PMS1: variants seen among roughly 807,000 people sequenced by gnomAD.
PMS1 encodes the protein PMS1 homolog 1, mismatch repair system component.
PMS1 carries 79 observed loss-of-function variants against 93.1 expected under a neutral mutation model. The observed-to-expected ratio is 0.85, with a 90% CI of 0.71 to 1.02. The LOEUF (loss-of-function observed/expected upper bound fraction) is 1.02, where lower values mean the gene tolerates loss of function less well. Ranked by LOEUF, PMS1 falls within the 50% of genes least tolerant of loss-of-function variation. The probability of loss-of-function intolerance (pLI) is 0.00; values close to 1 mark genes in which losing one functional copy is unlikely to be tolerated. For missense variants in PMS1, 1,064 were observed against 1,085.3 expected (o/e 0.98, Z 0.28); for synonymous variants, 335 against 363.4 (o/e 0.92, Z 0.89).
chr2:189,806,843 T>C (rs1455341362), intron 4 of PMS1: 3 of 211,526 alleles, frequency 1.4e-5, no homozygotes, highest in African/African-American at 2.3e-5. Context: ...CTATTACCTC[T>C]TTAGAGTCAT....
At chr2:189,853,515 C>CT (rs1160834468) in intron 7 of PMS1, among the ~76,000 whole-genome samples, 106 of 142,118 alleles carry the variant, frequency 7.5e-4, no homozygotes, top group African/African-American at 2.8e-3. Flanking sequence ...CTTTTCTTTT[C>CT]TTTTCTTTTT....
Position 189,867,779 on chromosome 2 carries a change from G to A in PMS1, c.2343-20G>A. ...ATTTTGTGTTTTTAATAAGTTAAAG[G>A]GCCATAATTTCTTTTTCAGTCTTTT... is the stretch of plus-strand genomic sequence containing the variant. On this transcript the variant is annotated intron_variant, in intron 10 of 12. Coordinates refer to ENST00000441310, the MANE Select transcript of PMS1 (RefSeq NM_000534.5). 6.5e-7 allele frequency: 1 copy of A among 1,535,010 alleles called. No homozygotes were observed. Among genetic ancestry groups the A allele is most frequent in the Non-Finnish European group, 9.0e-7 (1 of 1,109,514 alleles).
At position 189,855,098 on chromosome 2, in the gene PMS1, G is replaced by A; in HGVS notation, c.1826G>A (p.Trp609Ter). 2.5e-6 allele frequency: 4 copies of A among 1,613,320 alleles called. No individual in the cohort carries two copies. The highest frequency in any genetic ancestry group is 3.4e-6 in the Non-Finnish European group (4 of 1,179,514). The change falls in exon 9 of 13, where the codon TGG (tryptophan) becomes TAG (stop). Residue 609 changes from tryptophan (W) to a stop codon, truncating the protein, a stop_gained. Transcript: ENST00000441310. LOFTEE classifies it high-confidence loss of function. ...EDATLQIEEL[W>*]KTLSEEEKLK... is the part of the protein sequence containing the mutation. Reference sequence around the variant, plus strand: ...GCAACACTACAAATTGAAGAACTGTGGAAGACATTGAGTGAAGAGGAAAAA... The same window carrying A: ...GCAACACTACAAATTGAAGAACTGTAGAAGACATTGAGTGAAGAGGAAAAA...
intron 4 of PMS1, chr2:189,806,257 G>T: frequency 3.9e-6 from 1 of 254,432 alleles, no homozygotes; most frequent in Non-Finnish European, 7.6e-6. Context: ...GTTCTTTCAT[G>T]TAATACCCTC....
chr2:189,860,156 C>T (rs2055801565), intron 9 of PMS1, among the ~76,000 whole-genome samples: 1 of 152,108 alleles, frequency 6.6e-6, no homozygotes, highest in African/African-American at 2.4e-5. Flanking sequence ...TACATGTGTA[C>T]ACACACATAA....
intron 3 of PMS1, among the ~76,000 whole-genome samples, chr2:189,796,788 T>C (rs1404780893): frequency 6.6e-6 from 1 of 152,204 alleles, no homozygotes; most frequent in Non-Finnish European, 1.5e-5. Context: ...GACACCTGGG[T>C]TACTTTCACC....
At chr2:189,870,863 C>A (rs2106540273) in intron 11 of PMS1, among the ~76,000 whole-genome samples, 1 of 152,298 alleles carries the variant, frequency 6.6e-6, no homozygotes, top group East Asian at 1.9e-4. Context: ...CCCTATTGCT[C>A]AAACTCATTT....
chr2:189,864,074 CT>C lies in PMS1; in HGVS notation c.2189del (p.Leu730ProfsTer8). 1 of 1,613,534 alleles carries C rather than the reference CT, an allele frequency of 6.2e-7. No homozygotes were observed. Among genetic ancestry groups the C allele is most frequent in the Non-Finnish European group, 8.5e-7 (1 of 1,179,610 alleles). On this transcript the variant is annotated frameshift_variant, in exon 10 of 13. Transcript: ENST00000441310. LOFTEE classifies it high-confidence loss of function. ...GGATGAACCTTGCTTGATCCACAAT[CT>C]CAGGTTTCCTGATGCATGGCTAATG... ...EKDEPCLIHN[L>X]RFPDAWLMTS...
intron 4 of PMS1, among the ~76,000 whole-genome samples, chr2:189,816,501 G>A (rs563973598): frequency 6.6e-6 from 1 of 152,236 alleles, no homozygotes; most frequent in South Asian, 2.1e-4. Flanking sequence ...CCAGTAGAAT[G>A]TACTTTCTTT....
Position 189,795,947 on chromosome 2 carries a change from C to A in PMS1, c.311C>A (p.Ala104Asp). The stretch of plus-strand genomic sequence containing the variant: ...GCCTTGGGGTCAATTTGTTGTATAG[C>A]TGAGGTAAGGTAATTATATTGGTTA... ...GEALGSICCI[A>D]EVLITTRTAA... The change falls in exon 3 of 13, where the codon GCT (alanine) becomes GAT (aspartate). Residue 104 changes from alanine to aspartate, a missense_variant. Coordinates refer to ENST00000441310, the MANE Select transcript of PMS1 (RefSeq NM_000534.5). The A allele has an allele frequency of 6.3e-7, 1 of 1,599,704 alleles. No individual in the cohort carries two copies. The highest frequency in any genetic ancestry group is 8.6e-7 in the Non-Finnish European group (1 of 1,166,974).
At chr2:189,785,971 G>T (rs1471788595) in intron 1 of PMS1, among the ~76,000 whole-genome samples, 1 of 151,802 alleles carries the variant, frequency 6.6e-6, no homozygotes, top group Admixed American at 6.6e-5. Context: ...CTAAAAATAC[G>T]AAAATTAGCC....
chr2:189,871,443 G>A (rs1284124488), intron 11 of PMS1, among the ~76,000 whole-genome samples: 1 of 152,188 alleles, frequency 6.6e-6, no homozygotes, highest in Non-Finnish European at 1.5e-5. Context: ...CTTGCCCTGC[G>A]GCATGGATAC....
intron 5 of PMS1, among the ~76,000 whole-genome samples, chr2:189,831,258 G>A (rs1463679557): frequency 6.6e-6 from 1 of 152,132 alleles, no homozygotes; most frequent in Non-Finnish European, 1.5e-5. Flanking sequence ...AAAATTGGAA[G>A]GCATTAAAAG....
At chr2:189,796,932 A>AT (rs1334648393) in intron 3 of PMS1, among the ~76,000 whole-genome samples, 2 of 152,114 alleles carry the variant, frequency 1.3e-5, no homozygotes, top group Admixed American at 6.5e-5. Flanking sequence ...TCTGTGTCTA[A>AT]TTTTTTGAGG....
intron 5 of PMS1, among the ~76,000 whole-genome samples, chr2:189,827,748 G>A (rs1233293): frequency 0.02 from 2,978 of 151,860 alleles, 91 homozygotes; most frequent in African/African-American, 0.068. Context: ...CAGGCACAGA[G>A]AGACAAATAC....
intron 9 of PMS1, among the ~76,000 whole-genome samples, chr2:189,860,748 T>G (rs1265259978): frequency 6.7e-6 from 1 of 150,054 alleles, no homozygotes; most frequent in Admixed American, 6.7e-5. Flanking sequence ...AAAATGTCAG[T>G]TAAGTCTTAA....
chr2:189,858,561 G>A (rs1459671339), intron 9 of PMS1, among the ~76,000 whole-genome samples: 1 of 152,146 alleles, frequency 6.6e-6, no homozygotes, highest in East Asian at 1.9e-4. Flanking sequence ...TCCCAAAGAT[G>A]AGTACCATAT....
At chr2:189,868,339 T>A (rs867665410) in intron 11 of PMS1, among the ~76,000 whole-genome samples, 7 of 152,330 alleles carry the variant, frequency 4.6e-5, no homozygotes, top group Middle Eastern at 3.4e-3. Context: ...CAATTAGACG[T>A]GTAACATCAG....
chr2:189,854,670 G>C lies in PMS1; in HGVS notation c.1398G>C (p.Gln466His), dbSNP rs1459677285. ...TTATAAGTTCCGTTAAGCACACCCA[G>C]TCAGAAAATGGCAATAAAGACCATA... is the stretch of plus-strand genomic sequence containing the variant. The part of the protein sequence containing the change: ...TCFISSVKHT[Q>H]SENGNKDHID... The change falls in exon 9 of 13, where the codon CAG becomes CAC. Residue 466 changes from glutamine to histidine, a missense_variant. Coordinates refer to ENST00000441310, the MANE Select transcript of PMS1 (RefSeq NM_000534.5). The C allele has an allele frequency of 1.9e-6, 3 of 1,613,940 alleles. No homozygotes were observed. The highest frequency in any genetic ancestry group is 1.7e-5 in the Admixed American group (1 of 60,012).
Sources: gnomAD v4.1 joint callset for allele counts (sites outside exome capture counted in the v4.1 genomes callset) on GRCh38, gnomAD v4.1.1 for gene constraint, MANE v1.5 for transcripts, NCBI Gene and HGNC (gene_info 2026-07-23, HGNC 2026-07-21) for gene names.